KCNMA1: variants seen among roughly 807,000 people sequenced by gnomAD.
The protein encoded by KCNMA1 is Calcium-activated potassium channel subunit alpha-1.
KCNMA1 carries 29 observed loss-of-function variants against 140.0 expected under a neutral mutation model. The observed-to-expected ratio is 0.21, with a 90% CI of 0.15 to 0.28. KCNMA1 has a LOEUF of 0.28. Ranked by LOEUF, KCNMA1 falls within the 10% of genes least tolerant of loss-of-function variation. The pLI is 1.00. For synonymous variants in KCNMA1, 612 were observed against 611.9 expected (o/e 1.00, Z 0.00); for missense variants, 880 against 1,602.2 (o/e 0.55, Z 7.70).
chr10:77,229,656 G>A (rs2052869335), intron 3 of KCNMA1, among the ~76,000 whole-genome samples: 3 of 152,188 alleles, frequency 2.0e-5, no homozygotes, highest in African/African-American at 7.2e-5. Context: ...TCCAAAGCCT[G>A]TGCTCTTCCC....
intron 18 of KCNMA1, chr10:77,008,142 G>C (rs1477485134): frequency 6.6e-7 from 1 of 1,521,468 alleles, no homozygotes. Context: ...GAGAAAGACA[G>C]GGGGAACTGG....
Position 77,296,185 on chromosome 10 carries a change from C to T in KCNMA1, c.541-44929G>A, listed in dbSNP as rs143884713. Among the ~76,000 whole-genome samples, 255 of 152,194 alleles carry T rather than the reference C, an allele frequency of 1.7e-3. 1 individual carries two copies. The highest frequency in any genetic ancestry group is 6.0e-3 in the African/African-American group (248 of 41,528). ...ATTATCCAGGTGGGCCCACTGTAAT[C>T]ACTAGGTCTTTATAAAAGGGAGGTA... On this transcript the variant is annotated intron_variant, in intron 2 of 27. Coordinates refer to ENST00000286628, the MANE Select transcript of KCNMA1 (RefSeq NM_001161352.2).
intron 9 of KCNMA1, among the ~76,000 whole-genome samples, chr10:77,093,552 T>G (rs2096863595): frequency 6.6e-6 from 1 of 152,220 alleles, no homozygotes; most frequent in Non-Finnish European, 1.5e-5. Flanking sequence ...TTAGGAGATC[T>G]GCTTCCGCCA....
intron 1 of KCNMA1, 150 bp downstream of exon 1, chr10:77,637,115 G>A: frequency 7.8e-7 from 1 of 1,274,272 alleles, no homozygotes. Context: ...CGAGAGCACC[G>A]GGAGAGCCGA....
chr10:77,260,500 G>A (rs2061726942), intron 2 of KCNMA1, among the ~76,000 whole-genome samples: 2 of 152,180 alleles, frequency 1.3e-5, no homozygotes, highest in African/African-American at 4.8e-5. Context: ...CCTGAGGTCA[G>A]GAGTTCAAGA....
intron 17 of KCNMA1, among the ~76,000 whole-genome samples, chr10:77,016,796 C>T (rs1485838772): frequency 6.6e-6 from 1 of 152,144 alleles, no homozygotes; most frequent in African/African-American, 2.4e-5. Context: ...TTTCACTCCT[C>T]ATTTACTAAA....
chr10:77,242,902 ACACAC>A (rs763129677), intron 3 of KCNMA1, among the ~76,000 whole-genome samples: 35,526 of 127,756 alleles, frequency 0.28, 5,138 homozygotes, highest in East Asian at 0.52. Context: ...TGTTTCCTAC[ACACAC>A]ACACACACAC....
chr10:77,141,773 T>C (rs1054263562), intron 5 of KCNMA1, among the ~76,000 whole-genome samples: 3 of 152,162 alleles, frequency 2.0e-5, no homozygotes, highest in African/African-American at 2.4e-5. Context: ...ATTCCACAAG[T>C]TGTTAGCTGA....
chr10:77,198,293 C>T (rs998617456), intron 3 of KCNMA1, among the ~76,000 whole-genome samples: 1 of 151,930 alleles, frequency 6.6e-6, no homozygotes, highest in Non-Finnish European at 1.5e-5. Flanking sequence ...ACTCTCAAGG[C>T]GTAATGTAGT....
chr10:77,564,822 C>T (rs1217735622), intron 1 of KCNMA1, among the ~76,000 whole-genome samples: 1 of 152,178 alleles, frequency 6.6e-6, no homozygotes, highest in Non-Finnish European at 1.5e-5. Flanking sequence ...AGAGGGCGGA[C>T]TCTTTGGCTT....
At chr10:76,897,432 C>A (rs1340590453) in intron 25 of KCNMA1, among the ~76,000 whole-genome samples, 1 of 151,904 alleles carries the variant, frequency 6.6e-6, no homozygotes, top group Non-Finnish European at 1.5e-5. Context: ...TAGGCTGAAG[C>A]TTCTCTAGAA....
intron 14 of KCNMA1, chr10:77,064,227 C>T (rs529751484): frequency 2.4e-6 from 1 of 412,092 alleles, no homozygotes; most frequent in Admixed American, 6.4e-5. Context: ...GCTAGGCAGA[C>T]AGTTTACACA....
chr10:77,277,683 G>A (rs973754965), intron 2 of KCNMA1, among the ~76,000 whole-genome samples: 1 of 152,188 alleles, frequency 6.6e-6, no homozygotes, highest in Non-Finnish European at 1.5e-5. Flanking sequence ...CAAAGTCGAT[G>A]CAACAGATCA....
At chr10:77,030,536 G>A (rs2093856945) in intron 15 of KCNMA1, among the ~76,000 whole-genome samples, 1 of 152,160 alleles carries the variant, frequency 6.6e-6, no homozygotes, top group Non-Finnish European at 1.5e-5. Flanking sequence ...TATGAGCAAT[G>A]ACCAGTCCAC....
chr10:77,388,287 C>T (rs1284308475), intron 2 of KCNMA1, among the ~76,000 whole-genome samples: 1 of 152,186 alleles, frequency 6.6e-6, no homozygotes, highest in Non-Finnish European at 1.5e-5. Context: ...GTGCACTTTT[C>T]TTGAGCCTCT....
At chr10:77,034,335 AT>A (rs1200728767) in intron 15 of KCNMA1, among the ~76,000 whole-genome samples, 1 of 152,006 alleles carries the variant, frequency 6.6e-6, no homozygotes, top group African/African-American at 2.4e-5. Context: ...GAAATCTATC[AT>A]ATAACAATTG....
intron 3 of KCNMA1, among the ~76,000 whole-genome samples, chr10:77,200,003 T>C (rs1221969603): frequency 6.6e-6 from 1 of 152,136 alleles, no homozygotes; most frequent in African/African-American, 2.4e-5. Flanking sequence ...CAGGCTGGAG[T>C]GCAGTGGTGC....
chr10:77,521,951 A>G (rs1309121246), intron 1 of KCNMA1, among the ~76,000 whole-genome samples: 3 of 152,088 alleles, frequency 2.0e-5, no homozygotes, highest in Non-Finnish European at 2.9e-5. Context: ...CGAGGCAGGT[A>G]GATCACCTGA....
intron 13 of KCNMA1, among the ~76,000 whole-genome samples, chr10:77,077,272 GTCC>G (rs1484215013): frequency 1.3e-5 from 2 of 152,214 alleles, no homozygotes; most frequent in Non-Finnish European, 2.9e-5. Context: ...TATTCCCTGT[GTCC>G]TGACTAATCA....
Sources: gnomAD v4.1 joint callset for allele counts (sites outside exome capture counted in the v4.1 genomes callset) on GRCh38, gnomAD v4.1.1 for gene constraint, MANE v1.5 for transcripts, NCBI Gene and HGNC (gene_info 2026-07-23, HGNC 2026-07-21) for gene names.